GART: variants seen among roughly 807,000 people sequenced by gnomAD.
GART encodes the protein phosphoribosylglycinamide formyltransferase, phosphoribosylglycinamide synthetase, phosphoribosylaminoimidazole synthetase, also known as trifunctional purine biosynthetic protein adenosine-3.
A neutral mutation model predicts 107.2 loss-of-function variants in GART; 43 were observed. That is an observed-to-expected ratio of 0.40 (90% CI 0.31 to 0.52). GART has a LOEUF of 0.52. Ranked by LOEUF, GART falls within the 20% of genes least tolerant of loss-of-function variation. GART has a pLI of 0.52. For synonymous variants in GART, 434 were observed against 427.0 expected, an observed-to-expected ratio of 1.02 and a Z score of -0.20; for missense variants, 1,107 against 1,206.5, an observed-to-expected ratio of 0.92 and a Z score of 1.22.
rs1350174266 is a variant in GART at position 33,504,153 on chromosome 21, C to A, written c.3004G>T (p.Gly1002Cys). 6.2e-7 allele frequency: 1 copy of A among 1,613,188 alleles called. No homozygotes were observed. Among genetic ancestry groups the A allele is most frequent in the East Asian group, 2.2e-5 (1 of 44,876 alleles). Residue 1002 changes from glycine to cysteine, a missense_variant, in exon 22 of 22, where the codon GGC (glycine) becomes TGC (cysteine). Gly to Cys is a radical substitution (Grantham distance 159, BLOSUM62 -3). Coordinates refer to ENST00000381815, the MANE Select transcript of GART (RefSeq NM_000819.5). Reference sequence around the variant, plus strand: ...TCCTCTTTAACCCAACAGATCTTGCCATTTTCTCCAAGCTGTACAGTTCCA... The same window carrying A: ...TCCTCTTTAACCCAACAGATCTTGCAATTTTCTCCAAGCTGTACAGTTCCA... ...ASGTVQLGEN[G>C]KICWVKEE
At position 33,512,401 on chromosome 21, in the gene GART, C is replaced by T. The variant is rs985535472; in HGVS notation, c.2108-943G>A. On this transcript the variant is annotated intron_variant, in intron 16 of 21. Transcript: ENST00000381815. ...GTCTATATACACACACACAACATTT[C>T]TGAATTTAAAAAGAATCTGGATAGT... is the stretch of plus-strand genomic sequence containing the variant. Among the ~76,000 whole-genome samples, 3 of 149,984 alleles carry T rather than the reference C, an allele frequency of 2.0e-5. No individual in the cohort carries two copies. In the Admixed American group the frequency reaches 2.0e-4, roughly 10 times the overall value.
At chr21:33,510,025 G>T in intron 17 of GART, 105 bp from the exon 18 acceptor site, 1 of 1,029,120 alleles carries the variant, frequency 9.7e-7, no homozygotes, top group African/African-American at 1.6e-5. Flanking sequence ...GTTTTATCCT[G>T]AAAATAAGAT....
At position 33,509,937 on chromosome 21, in the gene GART, T is replaced by C. The variant is rs533773409; in HGVS notation, c.2315-17A>G. 8.7e-5 allele frequency: 139 copies of C among 1,594,364 alleles called. No homozygotes were observed. The highest frequency in any genetic ancestry group is 1.2e-4 in the Non-Finnish European group (135 of 1,171,658). On this transcript the variant is annotated splice_polypyrimidine_tract_variant and intron_variant, in intron 17 of 21. Transcript: ENST00000381815. ...GTGGGGAACCTTCATTTCAAACATATCCATAAATAAGTAAAGAACAATTGT... is the reference window on the plus strand; with the variant it reads ...GTGGGGAACCTTCATTTCAAACATACCCATAAATAAGTAAAGAACAATTGT...
chr21:33,517,247 CA>C, intron 15 of GART, 106 bp from the exon 16 acceptor site: 2 of 1,557,946 alleles, frequency 1.3e-6, no homozygotes, highest in South Asian at 2.4e-5. Context: ...GACCAAGTAG[CA>C]AACCAAGGTA....
At chr21:33,519,543 G>A (rs1296654998) in intron 14 of GART, among the ~76,000 whole-genome samples, 3 of 142,890 alleles carry the variant, frequency 2.1e-5, no homozygotes, top group Non-Finnish European at 4.5e-5. Context: ...GACAGAGCAA[G>A]ACTCTGTTTA....
Position 33,520,968 on chromosome 21 carries a change from C to A in GART, c.1441G>T (p.Ala481Ser). The change falls in exon 13 of 22, where the codon GCA becomes TCA. Residue 481 changes from alanine to serine, a missense_variant. By Grantham distance (99) the Ala-to-Ser change is moderately conservative (BLOSUM62 1). Coordinates refer to ENST00000381815, the MANE Select transcript of GART (RefSeq NM_000819.5). ...GGFAGLFDLKAAGFKDPLLAS... is the reference protein window; with the variant it reads ...GGFAGLFDLKSAGFKDPLLAS... ...AGAAGGGGATCTTTGAAACCAGCTG[C>A]TTTTAAATCAAAAAGACCAGCAAAA... 1.2e-6 allele frequency: 2 copies of A among 1,614,038 alleles called. No homozygotes were observed. Among genetic ancestry groups the A allele is most frequent in the Non-Finnish European group, 1.7e-6 (2 of 1,179,964 alleles).
intron 16 of GART, among the ~76,000 whole-genome samples, chr21:33,513,533 G>A (rs2084827369): frequency 6.6e-6 from 1 of 152,002 alleles, no homozygotes; most frequent in African/African-American, 2.4e-5. Flanking sequence ...TCGCACTACT[G>A]TACTCCAGCC....
At position 33,511,320 on chromosome 21, in the gene GART, A is replaced by G; in HGVS notation, c.2246T>C (p.Ile749Thr). ...CTTGTGCTGCTGGATATCCCTCAGAATCTGCTCTGTCTGCTCCTTTGATAC... is the reference window on the plus strand; with the variant it reads ...CTTGTGCTGCTGGATATCCCTCAGAGTCTGCTCTGTCTGCTCCTTTGATAC... ...LVVSKEQTEQ[I>T]LRDIQQHKEE... Residue 749 changes from isoleucine (I) to threonine (T), a missense_variant, in exon 17 of 22, where the codon ATT becomes ACT. Physicochemically the swap from Ile to Thr is moderately conservative, Grantham distance 89 (BLOSUM62 -1). Coordinates refer to ENST00000381815, the MANE Select transcript of GART (RefSeq NM_000819.5). The G allele has an allele frequency of 6.2e-7, 1 of 1,614,204 alleles. No individual in the cohort carries two copies. Among genetic ancestry groups the G allele is most frequent in the African/African-American group, 1.3e-5 (1 of 75,044 alleles).
chr21:33,510,131 A>G (rs963487679), intron 17 of GART: 1 of 522,104 alleles, frequency 1.9e-6, no homozygotes, highest in African/African-American at 1.9e-5. Context: ...TACTTCAACT[A>G]AAAGCTGCAG....
rs532608520 is a variant in GART, at chr21:33,541,117, G to A, written c.-42+948C>T. On this transcript the variant is annotated intron_variant, in intron 1 of 21. Coordinates refer to ENST00000381815, the MANE Select transcript of GART (RefSeq NM_000819.5). Reference sequence around the variant, plus strand: ...GGAAAACACATTTTACTTGCCATGTGTATCTGAAATAAACAGATTTTTTAT... The same window carrying A: ...GGAAAACACATTTTACTTGCCATGTATATCTGAAATAAACAGATTTTTTAT... Among the ~76,000 whole-genome samples, 5 of 151,682 alleles carry A rather than the reference G, an allele frequency of 3.3e-5. No homozygotes were observed. The East Asian group carries it at 9.7e-4, about 29-fold the overall frequency.
At chr21:33,540,917 T>C (rs899035534) in intron 1 of GART, among the ~76,000 whole-genome samples, 5 of 151,952 alleles carry the variant, frequency 3.3e-5, no homozygotes, top group African/African-American at 9.7e-5. Context: ...GAGGCCCAGA[T>C]AGGTAAATAA....
chr21:33,510,248 G>A (rs1328150124), intron 17 of GART: 1 of 200,424 alleles, frequency 5.0e-6, no homozygotes, highest in Admixed American at 5.9e-5. Flanking sequence ...GTAGTGCCAT[G>A]ATCTCCTGGT....
At chr21:33,538,562 T>G (rs1056324384) in intron 2 of GART, among the ~76,000 whole-genome samples, 2 of 152,152 alleles carry the variant, frequency 1.3e-5, no homozygotes, top group African/African-American at 4.8e-5. Context: ...AATACTAAAC[T>G]TTCCATTTAC....
At position 33,504,547 on chromosome 21, in the gene GART, T is replaced by A. The variant is rs375247576; in HGVS notation, c.2726-20A>T. On this transcript the variant is annotated intron_variant, in intron 20 of 21. Transcript: ENST00000381815. ...TTTTTCCTAAAAATTAAAAAAAGCA[T>A]AGTGGTCAGAATTTAAAAATCCTGG... 6.8e-5 allele frequency: 105 copies of A among 1,541,380 alleles called. 1 individual carries two copies. In the African/African-American group the frequency reaches 1.2e-3, roughly 17 times the overall value.
chr21:33,519,624 T>A (rs1224457661), intron 14 of GART, among the ~76,000 whole-genome samples: 1 of 151,186 alleles, frequency 6.6e-6, no homozygotes, highest in East Asian at 1.9e-4. Flanking sequence ...GCCCAGCAAT[T>A]CAAGACCAGC....
At chr21:33,516,893 G>A in intron 16 of GART, 96 bp downstream of exon 16, 1 of 1,060,982 alleles carries the variant, frequency 9.4e-7, no homozygotes, top group East Asian at 2.5e-5. Flanking sequence ...TTTTCCATGT[G>A]TAATCATGTG....
rs1425405604 is a variant in GART at position 33,528,264 on chromosome 21, T to C, written c.969A>G (p.Thr323=). Residue 323 remains threonine (T), a synonymous_variant, in exon 10 of 22, where the codon ACA becomes ACG. Coordinates refer to ENST00000381815, the MANE Select transcript of GART (RefSeq NM_000819.5). ...IQSTLDGLLC[T]SLPVWLENHT... is the part of the protein sequence containing the mutation. ...GGTTTTCTAGCCAAACAGGCAGAGA[T>C]GTGCAGAGCAGTCCATCTAAGGTGG... 1 of 1,614,094 alleles carries C rather than the reference T, an allele frequency of 6.2e-7. No homozygotes were observed. Among genetic ancestry groups the C allele is most frequent in the Admixed American group, 1.7e-5 (1 of 60,018 alleles).
Position 33,504,315 on chromosome 21 carries a change from C to T in GART, c.2842G>A (p.Glu948Lys), listed in dbSNP as rs745364913. ...VTGCTVHFVA[E>K]DVDAGQIILQ... ...ATAATCTGTCCAGCATCCACATCTT[C>T]CTGGAAAAGTAAGCAAAAGTTTTGA... is the stretch of plus-strand genomic sequence containing the variant. Residue 948 changes from glutamate to lysine, a missense_variant and splice_region_variant, in exon 22 of 22, where the codon GAA (glutamate) becomes AAA (lysine). Glu to Lys is a moderately conservative substitution (Grantham distance 56). Transcript: ENST00000381815. The T allele has an allele frequency of 1.4e-5, 22 of 1,612,788 alleles. No individual in the cohort carries two copies. The highest frequency in any genetic ancestry group is 1.8e-5 in the Non-Finnish European group (21 of 1,179,052).
chr21:33,509,757 A>G (rs781467792), intron 18 of GART, 26 bp downstream of exon 18: 15 of 1,611,420 alleles, frequency 9.3e-6, no homozygotes, highest in Non-Finnish European at 1.3e-5. Context: ...CAACAGCTCT[A>G]CAGTGAAGGG....
Sources: allele counts gnomAD v4.1 joint callset (sites outside exome capture counted in the v4.1 genomes callset), GRCh38; gene constraint gnomAD v4.1.1; transcripts MANE v1.5; gene names NCBI Gene and HGNC (gene_info 2026-07-23, HGNC 2026-07-21).